Variants in TOMM70 observed in about 807,000 individuals in gnomAD.
The protein encoded by TOMM70 is mitochondrial import receptor subunit TOM70.
In TOMM70, 13 loss-of-function variants were observed where a neutral mutation model predicts 73.6. The observed-to-expected ratio is 0.18, with a 90% CI of 0.11 to 0.28. The LOEUF (loss-of-function observed/expected upper bound fraction) is 0.28, where lower values mean the gene tolerates loss of function less well. Ranked by LOEUF, TOMM70 falls within the 10% of genes least tolerant of loss-of-function variation. The pLI, the probability that TOMM70 is intolerant of heterozygous loss-of-function variation, is 1.00. For synonymous variants in TOMM70, 257 were observed against 271.2 expected (o/e 0.95, Z 0.51); for missense variants, 609 against 747.5 (o/e 0.81, Z 2.16).
intron 1 of TOMM70, among the ~76,000 whole-genome samples, chr3:100,394,365 C>CTTTTCTTTTCTTTTT (rs769287867): frequency 0.12 from 15,550 of 131,306 alleles, 2,660 homozygotes; most frequent in East Asian, 0.45. Flanking sequence ...GTTACTTTTT[C>CTTTTCTTTTCTTTTT]TTTTTTTTTT....
At chr3:100,386,489 C>A in intron 2 of TOMM70, 145 bp from the exon 3 acceptor site, 2 of 935,118 alleles carry the variant, frequency 2.1e-6, no homozygotes, top group African/African-American at 1.7e-5. Context: ...CAATATATTA[C>A]AAAAGCTCAT....
intron 1 of TOMM70, 62 bp downstream of exon 1, chr3:100,400,564 A>G (rs915931553): frequency 6.4e-7 from 1 of 1,556,144 alleles, no homozygotes; most frequent in Non-Finnish European, 8.7e-7. Flanking sequence ...CACTGACACA[A>G]CCCGCCAAGG....
At chr3:100,368,264 T>G (rs1706468265) in intron 10 of TOMM70, 98 bp from the exon 11 acceptor site, 1 of 1,390,052 alleles carries the variant, frequency 7.2e-7, no homozygotes, top group Non-Finnish European at 9.7e-7. Flanking sequence ...AATGAACTTA[T>G]AAGTTAACTT....
rs7619200 is a variant in TOMM70 at position 100,377,123 on chromosome 3, A to T, written c.1092+582T>A. Among the ~76,000 whole-genome samples, 859 of 152,310 alleles carry T rather than the reference A, an allele frequency of 5.6e-3. 7 individuals are homozygous for T. The highest frequency in any genetic ancestry group is 0.02 in the African/African-American group (833 of 41,568). ...AGAGATGTTAACAAACTAATAAGTAATATAGTTAATTGGTGGTTAAATTGT... is the reference window on the plus strand; with the variant it reads ...AGAGATGTTAACAAACTAATAAGTATTATAGTTAATTGGTGGTTAAATTGT... On this transcript the variant is annotated intron_variant, in intron 6 of 11. Transcript: ENST00000284320.
intron 1 of TOMM70, among the ~76,000 whole-genome samples, chr3:100,398,958 C>T (rs1482258751): frequency 6.6e-6 from 1 of 152,168 alleles, no homozygotes; most frequent in African/African-American, 2.4e-5. Flanking sequence ...TACACCAAAA[C>T]TTCCTTTAAA....
intron 9 of TOMM70, among the ~76,000 whole-genome samples, chr3:100,370,710 T>C (rs1227713807): frequency 6.6e-6 from 1 of 152,204 alleles, no homozygotes; most frequent in East Asian, 1.9e-4. Context: ...ATATACTATA[T>C]AGTGAAGCTA....
intron 6 of TOMM70, 21 bp downstream of exon 6, chr3:100,377,684 C>T (rs897212002): frequency 1.3e-6 from 2 of 1,591,144 alleles, no homozygotes; most frequent in Non-Finnish European, 1.7e-6. Flanking sequence ...ATAATTTCTT[C>T]ACACACATTT....
rs1706888369 is a variant in TOMM70 at position 100,400,712 on chromosome 3, T to G, written c.238A>C (p.Asn80His). Residue 80 changes from asparagine (N) to histidine (H), a missense_variant, in exon 1 of 12, where the codon AAC becomes CAC. This residue lies in a region of TOMM70 where 177 missense variants were observed against 163.5 expected (regional missense o/e 1.08). Transcript: ENST00000284320. ...GRGDASGLKR[N>H]SERKTPEGRA... ...CCCTCCGGGGTCTTCCGTTCGCTGT[T>G]GCGCTTCAGGCCGCTGGCGTCGCCC... 2 of 1,610,706 alleles carry G rather than the reference T, an allele frequency of 1.2e-6. No homozygotes were observed. The highest frequency in any genetic ancestry group is 3.3e-5 in the Admixed American group (2 of 59,894).
rs766959436 is a variant in TOMM70 at position 100,386,215 on chromosome 3, C to T, written c.625+3G>A. 42 of 1,604,288 alleles carry T rather than the reference C, an allele frequency of 2.6e-5. No homozygotes were observed. The highest frequency in any genetic ancestry group is 2.2e-5 in the East Asian group (1 of 44,676). On this transcript the variant is annotated splice_donor_region_variant and intron_variant, in intron 3 of 11. Coordinates refer to ENST00000284320, the MANE Select transcript of TOMM70 (RefSeq NM_014820.5). Reference sequence around the variant, plus strand: ...TCATATGTAAACACAAAATTACCCTCACCTTCTAAACATTCCTTCTTATTG... The same window carrying T: ...TCATATGTAAACACAAAATTACCCTTACCTTCTAAACATTCCTTCTTATTG...
rs1706423757 is a variant in TOMM70, at chr3:100,364,245, G to A, written c.*1319C>T. ...CTGTCAGTACCCCTAGTGAAGACCT[G>A]GACCTGGGTAGTTAGTCCTTAGAGA... On this transcript the variant is annotated 3_prime_UTR_variant, in exon 12 of 12. Coordinates refer to ENST00000284320, the MANE Select transcript of TOMM70 (RefSeq NM_014820.5). The A allele has an allele frequency of 2.0e-5, 3 of 152,158 alleles. No individual in the cohort carries two copies. Among genetic ancestry groups the A allele is most frequent in the Non-Finnish European group, 4.4e-5 (3 of 68,030 alleles). 9.4% of individuals were successfully genotyped at this position (152,158 alleles called of 1,614,324 possible).
intron 1 of TOMM70, among the ~76,000 whole-genome samples, chr3:100,399,611 TGCTTGGCCTCACATCA>T (rs1252710727): frequency 1.3e-5 from 2 of 152,172 alleles, no homozygotes; most frequent in African/African-American, 4.8e-5. Context: ...AATAATCCAA[TGCTTGGCCTCACATCA>T]GAGAAACTGT....
In TOMM70 at chr3:100,386,852, C is replaced by A. The variant is rs145907525; in HGVS notation, c.451G>T (p.Asp151Tyr). The A allele has an allele frequency of 6.2e-7, 1 of 1,613,968 alleles. No individual in the cohort carries two copies. Among genetic ancestry groups the A allele is most frequent in the African/African-American group, 1.3e-5 (1 of 74,936 alleles). The change falls in exon 2 of 12, where the codon GAC becomes TAC. Residue 151 changes from aspartate (D) to tyrosine (Y), a missense_variant. Coordinates refer to ENST00000284320, the MANE Select transcript of TOMM70 (RefSeq NM_014820.5). ...CTGTTTTGATAAAATGTAGAAAGGT[C>A]AACATTCTTCTCTGTAGGGCACAAG... ...ISLCPTEKNV[D>Y]LSTFYQNRAA...
intron 8 of TOMM70, among the ~76,000 whole-genome samples, chr3:100,373,146 A>AG (rs1315803671): frequency 6.6e-6 from 1 of 151,848 alleles, no homozygotes; most frequent in Non-Finnish European, 1.5e-5. Context: ...TTTACTTAAA[A>AG]AAAAAAAAAA....
intron 9 of TOMM70, among the ~76,000 whole-genome samples, chr3:100,369,754 G>C (rs1387033771): frequency 6.6e-6 from 1 of 152,086 alleles, no homozygotes; most frequent in South Asian, 2.1e-4. Flanking sequence ...ACCCACCTCG[G>C]CCTCCCAAAG....
At position 100,364,835 on chromosome 3, in the gene TOMM70, G is replaced by A. The variant is rs934300981; in HGVS notation, c.*729C>T. ...ACTGTTTCATCTTACCTCTTTGTCT[G>A]GTCCACTCCCCCATCAATACTCAGT... On this transcript the variant is annotated 3_prime_UTR_variant, in exon 12 of 12. Coordinates refer to ENST00000284320, the MANE Select transcript of TOMM70 (RefSeq NM_014820.5). 2.0e-5 allele frequency: 3 copies of A among 152,024 alleles called. No homozygotes were observed. Among genetic ancestry groups the A allele is most frequent in the Non-Finnish European group, 1.5e-5 (1 of 68,002 alleles). The allele number at this position is 152,024 out of a possible 1,614,324, so 9.4% of individuals were successfully genotyped here.
chr3:100,386,195 T>A (rs750986878), intron 3 of TOMM70, 23 bp downstream of exon 3: 2 of 1,596,808 alleles, frequency 1.3e-6, no homozygotes, highest in Non-Finnish European at 1.7e-6. Context: ...AATTTTCATA[T>A]GTAAACACAA....
In TOMM70 at chr3:100,378,000, A is replaced by C; in HGVS notation, c.885-88T>G. The stretch of plus-strand genomic sequence containing the variant: ...GGTGGCTCACGCCTGTAATCCCAGC[A>C]CTTTGGGAGGCCGAGGTGGGCGGAT... On this transcript the variant is annotated intron_variant, in intron 5 of 11. Coordinates refer to ENST00000284320, the MANE Select transcript of TOMM70 (RefSeq NM_014820.5). 3 of 1,182,392 alleles carry C rather than the reference A, an allele frequency of 2.5e-6. No individual in the cohort carries two copies. The South Asian group carries it at 4.1e-5, about 16-fold the overall frequency. 73.2% of individuals were successfully genotyped at this position (1,182,392 alleles called of 1,614,324 possible).
At position 100,400,832 on chromosome 3, in the gene TOMM70, G is replaced by A; in HGVS notation, c.118C>T (p.Gln40Ter). ...GPGTGGLPRW[Q>*]LALAVGAPLL... Reference sequence around the variant, plus strand: ...GGTGCCCCGACCGCCAGAGCCAGCTGCCATCGCGGCAGCCCCCCCGTGCCC... The same window carrying A: ...GGTGCCCCGACCGCCAGAGCCAGCTACCATCGCGGCAGCCCCCCCGTGCCC... Residue 40 changes from glutamine to a stop codon, truncating the protein, a stop_gained, in exon 1 of 12, where the codon CAG becomes TAG. Coordinates refer to ENST00000284320, the MANE Select transcript of TOMM70 (RefSeq NM_014820.5). LOFTEE classifies it high-confidence loss of function. The A allele has an allele frequency of 1.3e-6, 2 of 1,523,666 alleles. No individual in the cohort carries two copies. Among genetic ancestry groups the A allele is most frequent in the Admixed American group, 2.1e-5 (1 of 48,680 alleles). The allele number at this position is 1,523,666 out of a possible 1,614,324, so 94.4% of individuals were successfully genotyped here. A position where few individuals can be genotyped will look rare whatever the true frequency, so the allele number is the denominator to read the frequency against.
chr3:100,388,690 G>C (rs1706720964), intron 1 of TOMM70, among the ~76,000 whole-genome samples: 1 of 152,006 alleles, frequency 6.6e-6, no homozygotes, highest in African/African-American at 2.4e-5. Context: ...AAATATAAAA[G>C]TAGTATCTGA....
Sources: allele counts gnomAD v4.1 joint callset (sites outside exome capture counted in the v4.1 genomes callset), GRCh38; gene constraint gnomAD v4.1.1; regional missense constraint gnomAD v4.1.1; transcripts MANE v1.5; gene names NCBI Gene and HGNC (gene_info 2026-07-23, HGNC 2026-07-21).